GRM5: variants seen among roughly 807,000 people sequenced by gnomAD.
The protein encoded by GRM5 is glutamate metabotropic receptor 5, also known as metabotropic glutamate receptor 5.
A neutral mutation model predicts 83.1 loss-of-function variants in GRM5; 19 were observed. The observed-to-expected ratio is 0.23, with a 90% CI of 0.16 to 0.34. The LOEUF (loss-of-function observed/expected upper bound fraction) is 0.34. GRM5 is among the 10% of genes least tolerant of loss of function. The pLI is 1.00. For missense variants in GRM5, 1,160 were observed against 1,588.3 expected (o/e 0.73, Z 4.58); for synonymous variants, 675 against 633.6 (o/e 1.07, Z -0.98).
chr11:88,873,900 T>C (rs1944809277), intron 2 of GRM5, among the ~76,000 whole-genome samples: 2 of 151,626 alleles, frequency 1.3e-5, no homozygotes, highest in East Asian at 1.9e-4. Flanking sequence ...AAAATAAACA[T>C]ACCACAGAAA....
chr11:89,034,861 T>TG (rs1265738718), intron 2 of GRM5, among the ~76,000 whole-genome samples: 6 of 150,362 alleles, frequency 4.0e-5, no homozygotes, highest in East Asian at 1.9e-4. Context: ...TTTTTTTTTT[T>TG]GGGAGGGAAT....
intron 3 of GRM5, among the ~76,000 whole-genome samples, chr11:88,845,919 T>G (rs1359637294): frequency 6.6e-6 from 1 of 152,220 alleles, no homozygotes; most frequent in Non-Finnish European, 1.5e-5. Context: ...TATCTACCTC[T>G]GGGGAATAGC....
At chr11:88,745,964 C>T (rs80298794) in intron 3 of GRM5, among the ~76,000 whole-genome samples, 1,593 of 152,226 alleles carry the variant, frequency 0.01, 22 homozygotes, top group African/African-American at 0.036. Context: ...ATCTTTAAAA[C>T]GAACCTAAGA....
At chr11:88,983,366 TG>T (rs1289501417) in intron 2 of GRM5, among the ~76,000 whole-genome samples, 1 of 152,244 alleles carries the variant, frequency 6.6e-6, no homozygotes, top group Non-Finnish European at 1.5e-5. Context: ...ACTACAGTTA[TG>T]CACCACCTAT....
At chr11:88,923,103 G>T (rs1341194563) in intron 2 of GRM5, among the ~76,000 whole-genome samples, 6 of 151,978 alleles carry the variant, frequency 3.9e-5, no homozygotes, top group Non-Finnish European at 5.9e-5. Flanking sequence ...ATAAAAGACT[G>T]GGAATATAAA....
chr11:88,589,573 G>A (rs1333459689), intron 7 of GRM5, among the ~76,000 whole-genome samples: 1 of 152,146 alleles, frequency 6.6e-6, no homozygotes, highest in Non-Finnish European at 1.5e-5. Flanking sequence ...TGGGAGGGAT[G>A]GAGTCTAATA....
chr11:88,670,941 G>T (rs1940176972), intron 3 of GRM5, among the ~76,000 whole-genome samples: 1 of 151,868 alleles, frequency 6.6e-6, no homozygotes, highest in Non-Finnish European at 1.5e-5. Context: ...AGCAATTCTG[G>T]CCCTAAGTAT....
At chr11:88,892,754 G>T (rs1254142186) in intron 2 of GRM5, among the ~76,000 whole-genome samples, 1 of 151,978 alleles carries the variant, frequency 6.6e-6, no homozygotes, top group Non-Finnish European at 1.5e-5. Context: ...TGTGAATCAA[G>T]TGGTGATCTC....
chr11:89,006,420 C>T (rs1940525730), intron 2 of GRM5, among the ~76,000 whole-genome samples: 1 of 152,198 alleles, frequency 6.6e-6, no homozygotes, highest in Non-Finnish European at 1.5e-5. Context: ...CTCTAACTCT[C>T]TCCCTGCTTC....
chr11:88,723,933 T>C (rs1473521853), intron 3 of GRM5, among the ~76,000 whole-genome samples: 1 of 152,170 alleles, frequency 6.6e-6, no homozygotes, highest in Admixed American at 6.6e-5. Context: ...GGGCATATTA[T>C]GTACTGCTGG....
At chr11:88,593,018 C>G (rs954052617) in intron 6 of GRM5, among the ~76,000 whole-genome samples, 1 of 152,082 alleles carries the variant, frequency 6.6e-6, no homozygotes, top group Non-Finnish European at 1.5e-5. Flanking sequence ...TGGGGTCTCA[C>G]TAAATTGCCT....
At chr11:89,032,511 T>G (rs544813597) in intron 2 of GRM5, among the ~76,000 whole-genome samples, 1 of 152,210 alleles carries the variant, frequency 6.6e-6, no homozygotes, top group East Asian at 1.9e-4. Context: ...ACAAGTTGTT[T>G]AAATTTCCTA....
chr11:88,605,040 G>T, intron 4 of GRM5, 76 bp from the exon 5 acceptor site: 1 of 1,210,242 alleles, frequency 8.3e-7, no homozygotes, highest in Non-Finnish European at 1.2e-6. Flanking sequence ...TGAATAATGG[G>T]TTACCTGTAA....
At chr11:88,881,317 T>C in intron 2 of GRM5, among the ~76,000 whole-genome samples, 1 of 150,938 alleles carries the variant, frequency 6.6e-6, no homozygotes, top group Admixed American at 6.6e-5. Context: ...TCAACCATAA[T>C]AGGCCTAAAA....
intron 4 of GRM5, among the ~76,000 whole-genome samples, chr11:88,625,715 C>T (rs1214560872): frequency 6.6e-6 from 1 of 152,088 alleles, no homozygotes; most frequent in African/African-American, 2.4e-5. Flanking sequence ...ATACCCCAAA[C>T]CACAACATCA....
intron 9 of GRM5, among the ~76,000 whole-genome samples, chr11:88,521,549 C>T (rs1163674948): frequency 6.6e-6 from 1 of 152,190 alleles, no homozygotes; most frequent in African/African-American, 2.4e-5. Context: ...TAGCAACTCA[C>T]ATGGTAACAG....
intron 2 of GRM5, among the ~76,000 whole-genome samples, chr11:88,970,123 TATA>T (rs1330046802): frequency 1.3e-5 from 2 of 152,264 alleles, no homozygotes; most frequent in Non-Finnish European, 2.9e-5. Flanking sequence ...ATTCAACAGG[TATA>T]ATATTATAAA....
intron 3 of GRM5, among the ~76,000 whole-genome samples, chr11:88,757,799 G>T (rs897623882): frequency 1.3e-5 from 2 of 152,154 alleles, no homozygotes; most frequent in African/African-American, 4.8e-5. Context: ...AATGGATCCT[G>T]CTGCCATAGC....
At chr11:88,871,125 G>C (rs1173681538) in intron 2 of GRM5, among the ~76,000 whole-genome samples, 1 of 151,570 alleles carries the variant, frequency 6.6e-6, no homozygotes, top group African/African-American at 2.4e-5. Flanking sequence ...ATTATTGAGA[G>C]TTAGAGTTGG....
Sources: allele counts gnomAD v4.1 joint callset (sites outside exome capture counted in the v4.1 genomes callset), GRCh38; gene constraint gnomAD v4.1.1; transcripts MANE v1.5; gene names NCBI Gene and HGNC (gene_info 2026-07-23, HGNC 2026-07-21).